The following SLC10A7 variants were observed in gnomAD, a reference collection of about 807,000 sequenced individuals.
SLC10A7 encodes the protein solute carrier family 10 member 7.
In SLC10A7, 29 loss-of-function variants were observed where a neutral mutation model predicts 43.2. The ratio of observed to expected loss-of-function variants is 0.67; its 90% CI spans 0.50 to 0.92. The LOEUF (loss-of-function observed/expected upper bound fraction) is 0.92. SLC10A7 is among the 40% of genes least tolerant of loss of function. SLC10A7 has a pLI of 0.00. For missense variants in SLC10A7, 295 were observed against 403.2 expected (o/e 0.73, Z 2.30); for synonymous variants, 152 against 144.8 (o/e 1.05, Z -0.35).
chr4:146,271,252 C>T (rs1728874152), intron 10 of SLC10A7, among the ~76,000 whole-genome samples: 1 of 152,176 alleles, frequency 6.6e-6, no homozygotes, highest in Non-Finnish European at 1.5e-5. Context: ...CAAATCCAAA[C>T]TCTTGATCTG....
intron 10 of SLC10A7, among the ~76,000 whole-genome samples, chr4:146,282,455 GT>G (rs1233355308): frequency 6.6e-6 from 1 of 152,058 alleles, no homozygotes; most frequent in Non-Finnish European, 1.5e-5. Flanking sequence ...TTTAATATGA[GT>G]TTTTGCCATA....
At chr4:146,421,474 T>C (rs143329840) in intron 5 of SLC10A7, among the ~76,000 whole-genome samples, 23 of 152,264 alleles carry the variant, frequency 1.5e-4, no homozygotes, top group African/African-American at 4.8e-4. Flanking sequence ...TCTCCCAGTA[T>C]AGCACTTTGT....
At chr4:146,279,399 T>G (rs1729405222) in intron 10 of SLC10A7, among the ~76,000 whole-genome samples, 1 of 152,194 alleles carries the variant, frequency 6.6e-6, no homozygotes, top group East Asian at 1.9e-4. Context: ...ATCTTGGATC[T>G]AATTTCTTTC....
chr4:146,442,674 T>C (rs2149891723), intron 5 of SLC10A7, 109 bp downstream of exon 5: 1 of 1,526,468 alleles, frequency 6.6e-7, no homozygotes, highest in East Asian at 2.4e-5. Context: ...GATTCAACAA[T>C]TTTTATACTT....
At chr4:146,520,855 T>A (rs1738563690) in intron 1 of SLC10A7, among the ~76,000 whole-genome samples, 1 of 152,044 alleles carries the variant, frequency 6.6e-6, no homozygotes, top group African/African-American at 2.4e-5. Flanking sequence ...CATAAAAAAC[T>A]AATATTTCTA....
chr4:146,408,314 G>A (rs1194497290), intron 5 of SLC10A7, among the ~76,000 whole-genome samples: 5 of 152,028 alleles, frequency 3.3e-5, no homozygotes, highest in South Asian at 4.2e-4. Context: ...TTGGGAGGAT[G>A]AGGCAGGCAG....
intron 5 of SLC10A7, among the ~76,000 whole-genome samples, chr4:146,344,226 GA>G (rs1273005952): frequency 6.6e-6 from 1 of 151,998 alleles, no homozygotes; most frequent in Non-Finnish European, 1.5e-5. Flanking sequence ...AGTTTACTTT[GA>G]ATGGAGACTA....
At chr4:146,468,762 A>G (rs1052712685) in intron 4 of SLC10A7, among the ~76,000 whole-genome samples, 1 of 152,144 alleles carries the variant, frequency 6.6e-6, no homozygotes, top group African/African-American at 2.4e-5. Flanking sequence ...GCGCCTGGCC[A>G]GCAAGGCTTT....
At chr4:146,458,288 T>C (rs1376232220) in intron 4 of SLC10A7, among the ~76,000 whole-genome samples, 4 of 151,730 alleles carry the variant, frequency 2.6e-5, no homozygotes, top group Non-Finnish European at 5.9e-5. Flanking sequence ...ATATTGATGA[T>C]AAAAATTTAG....
At chr4:146,260,722 A>G (rs1399647834) in intron 10 of SLC10A7, among the ~76,000 whole-genome samples, 1 of 152,194 alleles carries the variant, frequency 6.6e-6, no homozygotes, top group Non-Finnish European at 1.5e-5. Flanking sequence ...CCAGTTCTCC[A>G]TATCAGGTAA....
At chr4:146,438,107 G>A (rs2149882660) in intron 5 of SLC10A7, among the ~76,000 whole-genome samples, 2 of 152,122 alleles carry the variant, frequency 1.3e-5, no homozygotes, top group Middle Eastern at 6.8e-3. Flanking sequence ...TCTTTCAGCA[G>A]CTATAATAAC....
At chr4:146,362,061 A>T (rs1736082373) in intron 5 of SLC10A7, among the ~76,000 whole-genome samples, 1 of 152,160 alleles carries the variant, frequency 6.6e-6, no homozygotes, top group East Asian at 1.9e-4. Context: ...AATAAAAAAG[A>T]ATAAAAAAGA....
At chr4:146,452,762 T>C (rs898444788) in intron 4 of SLC10A7, among the ~76,000 whole-genome samples, 37 of 151,980 alleles carry the variant, frequency 2.4e-4, no homozygotes, top group Admixed American at 2.4e-3. Flanking sequence ...ACGCTCAATA[T>C]TAAGAGGGCA....
chr4:146,279,629 A>G (rs575657065), intron 10 of SLC10A7, among the ~76,000 whole-genome samples: 138 of 152,294 alleles, frequency 9.1e-4, no homozygotes, highest in African/African-American at 3.1e-3. Context: ...AGCTGAAACT[A>G]TAGGAGAGCA....
At chr4:146,327,212 A>C (rs938945825) in intron 5 of SLC10A7, among the ~76,000 whole-genome samples, 1 of 152,254 alleles carries the variant, frequency 6.6e-6, no homozygotes, top group Non-Finnish European at 1.5e-5. Flanking sequence ...ACACATGTGA[A>C]TATCCACAGA....
chr4:146,405,183 A>G (rs756077000), intron 5 of SLC10A7, among the ~76,000 whole-genome samples: 6 of 152,164 alleles, frequency 3.9e-5, no homozygotes, highest in Non-Finnish European at 8.8e-5. Flanking sequence ...ATATTTTAAG[A>G]AAGTTTCCAG....
intron 10 of SLC10A7, among the ~76,000 whole-genome samples, chr4:146,267,404 T>C (rs1728628001): frequency 6.6e-6 from 1 of 152,110 alleles, no homozygotes; most frequent in African/African-American, 2.4e-5. Context: ...TTCTGGAACC[T>C]TCCAAAGGCT....
chr4:146,416,451 A>AT (rs1397923301), intron 5 of SLC10A7, among the ~76,000 whole-genome samples: 1 of 152,210 alleles, frequency 6.6e-6, no homozygotes, highest in Non-Finnish European at 1.5e-5. Flanking sequence ...GCGTGAACAC[A>AT]TTCGTTTCTT....
At chr4:146,259,069 A>G (rs1728057135) in intron 10 of SLC10A7, among the ~76,000 whole-genome samples, 1 of 152,226 alleles carries the variant, frequency 6.6e-6, no homozygotes. Context: ...ATTCGAGGGT[A>G]CCAATAATTC....
Sources: gnomAD v4.1 joint callset for allele counts (sites outside exome capture counted in the v4.1 genomes callset) on GRCh38, gnomAD v4.1.1 for gene constraint, MANE v1.5 for transcripts, NCBI Gene and HGNC (gene_info 2026-07-23, HGNC 2026-07-21) for gene names.